The following AWAT2 variants were observed in gnomAD, a reference collection of about 807,000 sequenced individuals.
The protein encoded by AWAT2 is acyl-CoA wax alcohol acyltransferase 2, also known as 11-cis-RE-synthase.
AWAT2 carries 9 observed loss-of-function variants against 22.3 expected under a neutral mutation model. The ratio of observed to expected loss-of-function variants is 0.40; its 90% CI spans 0.24 to 0.70. The LOEUF (loss-of-function observed/expected upper bound fraction) is 0.70. Ranked by LOEUF, AWAT2 falls within the 30% of genes least tolerant of loss-of-function variation. The pLI, the probability that AWAT2 is intolerant of heterozygous loss-of-function variation, is 0.36. For missense variants in AWAT2, 217 were observed against 265.9 expected (o/e 0.82, Z 1.28); for synonymous variants, 100 against 93.4 (o/e 1.07, Z -0.40).
chrX:70,044,493 T>C (rs754120703), intron 1 of AWAT2, 31 bp from the exon 2 acceptor site: 3 of 1,199,392 alleles, frequency 2.5e-6, no homozygotes, highest in Non-Finnish European at 3.4e-6. Context: ...AGTTAATGAA[T>C]TTCAAGCAGT....
chrX:70,043,691 G>A lies in AWAT2; in HGVS notation c.268-9C>T, dbSNP rs377676561. ...TCATGAGTCTTCAGAAGCTGCGGAA[G>A]AAAGTAGAATCAGGAGGGCTATTCC... On this transcript the variant is annotated splice_polypyrimidine_tract_variant and intron_variant, in intron 3 of 7. Transcript: ENST00000276101. The A allele has an allele frequency of 2.3e-5, 27 of 1,193,054 alleles. 2 individuals carry two copies. In the African/African-American group the frequency reaches 3.7e-4, roughly 16 times the overall value.
Position 70,042,350 on chromosome X carries a change from C to A in AWAT2, c.684G>T (p.Thr228=), listed in dbSNP as rs766163803. ...TGAAAATGTGCTGATCATAGAGGTC[C>A]GTCTCCCCAAAGGCATAGGCAGGTA... ...PLIPAYAFGE[T]DLYDQHIFTP... is the part of the protein sequence containing the mutation. Residue 228 remains threonine (T), a synonymous_variant, in exon 6 of 8, where the codon ACG becomes ACT. Transcript: ENST00000276101. 8.3e-7 allele frequency: 1 copy of A among 1,210,470 alleles called. No individual in the cohort carries two copies. The highest frequency in any genetic ancestry group is 1.8e-5 in the South Asian group (1 of 56,809).
rs189109471 is a variant in AWAT2, at chrX:70,042,765, G to A, written c.647+304C>T. The A allele has an allele frequency of 4.6e-4, 186 of 401,877 alleles. No individual in the cohort carries two copies. The East Asian group carries it at 6.9e-3, about 15-fold the overall frequency. 33.1% of individuals were successfully genotyped at this position (401,877 alleles called of 1,213,427 possible). On this transcript the variant is annotated intron_variant, in intron 5 of 7. Coordinates refer to ENST00000276101, the MANE Select transcript of AWAT2 (RefSeq NM_001002254.1). ...AGGGGCCGGCCCAGATGAGAGGCTG[G>A]TGTGAGGGAGAACAGGCTCAGGGCT...
chrX:70,044,795 G>A (rs1030381751), intron 1 of AWAT2, among the ~76,000 whole-genome samples: 3 of 112,568 alleles, frequency 2.7e-5, no homozygotes, highest in East Asian at 2.8e-4. Context: ...GTGAGCCAGC[G>A]GTGGGCCACC....
At position 70,043,998 on chromosome X, in the gene AWAT2, T is replaced by A. The variant is rs1379142897; in HGVS notation, c.197-2A>T. The A allele has an allele frequency of 8.4e-7, 1 of 1,189,394 alleles. No homozygotes were observed. Among genetic ancestry groups the A allele is most frequent in the South Asian group, 1.9e-5 (1 of 53,902 alleles). On this transcript the variant is annotated splice_acceptor_variant, in intron 2 of 7. Transcript: ENST00000276101. LOFTEE classifies it high-confidence loss of function. Reference sequence around the variant, plus strand: ...TCACACAGGTAAACCGGCGGCCGCCTGAAAACAGAGGCAATGCAGCCAAGC... The same window carrying A: ...TCACACAGGTAAACCGGCGGCCGCCAGAAAACAGAGGCAATGCAGCCAAGC...
chrX:70,041,720 G>T, intron 7 of AWAT2, 53 bp downstream of exon 7: 1 of 994,835 alleles, frequency 1.0e-6, no homozygotes, highest in Non-Finnish European at 1.4e-6. Flanking sequence ...AATCAGGAGC[G>T]GGAGCCTGAT....
chrX:70,043,841 C>T (rs907111459), intron 3 of AWAT2, 85 bp downstream of exon 3: 5 of 1,047,526 alleles, frequency 4.8e-6, no homozygotes, highest in Non-Finnish European at 5.2e-6. Context: ...ATGTGGATGG[C>T]GCCCTCCACC....
chrX:70,043,090 A>C lies in AWAT2; in HGVS notation c.626T>G (p.Val209Gly). ...TLVLKNRSGFVRMALQHGVPL... is the reference protein window; with the variant it reads ...TLVLKNRSGFGRMALQHGVPL... The stretch of plus-strand genomic sequence containing the variant: ...TTACCCATGCTGAAGGGCCATGCGC[A>C]CAAAGCCAGACCGGTTCTTCAACAC... The change falls in exon 5 of 8, where the codon GTG becomes GGG. Residue 209 changes from valine to glycine, a missense_variant. Transcript: ENST00000276101. 1 of 1,193,649 alleles carries C rather than the reference A, an allele frequency of 8.4e-7. No individual in the cohort carries two copies. Among genetic ancestry groups the C allele is most frequent in the Non-Finnish European group, 1.1e-6 (1 of 886,312 alleles).
rs970331344 is a variant in AWAT2, at chrX:70,040,812, T to C, written c.*846A>G. On this transcript the variant is annotated 3_prime_UTR_variant, in exon 8 of 8. Coordinates refer to ENST00000276101, the MANE Select transcript of AWAT2 (RefSeq NM_001002254.1). ...AATGAGAGGGATGTGAGCCAAATTT[T>C]GTAGCCTGTCATTGCAACAGCCATT... is the stretch of plus-strand genomic sequence containing the variant. The C allele has an allele frequency of 1.7e-4, 19 of 112,182 alleles. No individual in the cohort carries two copies. Among genetic ancestry groups the C allele is most frequent in the African/African-American group, 6.2e-4 (19 of 30,831 alleles). 9.2% of individuals were successfully genotyped at this position (112,182 alleles called of 1,213,427 possible).
rs1374485480 is a variant in AWAT2, at chrX:70,041,967, C to CG, written c.848-6_848-5insC. On this transcript the variant is annotated splice_region_variant and splice_polypyrimidine_tract_variant and intron_variant, in intron 6 of 7. Coordinates refer to ENST00000276101, the MANE Select transcript of AWAT2 (RefSeq NM_001002254.1). ...GCATTGGTAGAGGCTCCCCGACTGC[C>CG]AGGGGAGACAGTGAAGGAAAAGGGA... is the stretch of plus-strand genomic sequence containing the variant. 8.3e-7 allele frequency: 1 copy of CG among 1,208,307 alleles called. No individual in the cohort carries two copies. The highest frequency in any genetic ancestry group is 2.2e-5 in the Admixed American group (1 of 45,909).
Position 70,044,406 on chromosome X carries a change from C to T in AWAT2, c.142G>A (p.Val48Ile). Reference sequence around the variant, plus strand: ...AGCCAGGTAAGAATAAGCACAGTGACAGGCCAGTATGGTGTGAACACCACC... The same window carrying T: ...AGCCAGGTAAGAATAAGCACAGTGATAGGCCAGTATGGTGTGAACACCACC... ...YLVVFTPYWPVTVLILTWLAF... is the reference protein window; with the variant it reads ...YLVVFTPYWPITVLILTWLAF... Residue 48 changes from valine (V) to isoleucine (I), a missense_variant, in exon 2 of 8, where the codon GTC becomes ATC. By Grantham distance (29) the Val-to-Ile change is conservative. Transcript: ENST00000276101. 8.3e-7 allele frequency: 1 copy of T among 1,212,050 alleles called. No homozygotes were observed. The highest frequency in any genetic ancestry group is 1.1e-6 in the Non-Finnish European group (1 of 895,558).
intron 7 of AWAT2, 55 bp from the exon 8 acceptor site, chrX:70,041,677 C>A: frequency 3.1e-6 from 2 of 652,554 alleles, no homozygotes; most frequent in Non-Finnish European, 4.5e-6. Context: ...AGCAAATGAA[C>A]AAACAGCCCC....
At chrX:70,043,830 A>C in intron 3 of AWAT2, 96 bp downstream of exon 3, 8 of 1,024,294 alleles carry the variant, frequency 7.8e-6, no homozygotes, top group Non-Finnish European at 1.1e-5. Context: ...CAAGAGGCTC[A>C]ATGTGGATGG....
At position 70,043,989 on chromosome X, in the gene AWAT2, G is replaced by T; in HGVS notation, c.204C>A (p.Arg68=). The T allele has an allele frequency of 8.4e-7, 1 of 1,192,811 alleles. No homozygotes were observed. Among genetic ancestry groups the T allele is most frequent in the East Asian group, 3.1e-5 (1 of 32,575 alleles). The change falls in exon 3 of 8, where the codon CGC becomes CGA. Residue 68 remains arginine, a synonymous_variant. Transcript: ENST00000276101. ...FDWKTPQRGG[R]RFTCVRHWRL... ...GCCAGTGCCTCACACAGGTAAACCGGCGGCCGCCTGAAAACAGAGGCAATG... is the reference window on the plus strand; with the variant it reads ...GCCAGTGCCTCACACAGGTAAACCGTCGGCCGCCTGAAAACAGAGGCAATG...
intron 1 of AWAT2, among the ~76,000 whole-genome samples, chrX:70,045,745 C>T (rs2020357538): frequency 9.0e-6 from 1 of 111,698 alleles, no homozygotes; most frequent in Admixed American, 9.6e-5. Flanking sequence ...ATTGGTCTCC[C>T]ATGCTCCTGT....
intron 3 of AWAT2, 96 bp downstream of exon 3, chrX:70,043,830 A>G: frequency 9.8e-7 from 1 of 1,024,293 alleles, no homozygotes; most frequent in Non-Finnish European, 1.3e-6. Flanking sequence ...CAAGAGGCTC[A>G]ATGTGGATGG....
Position 70,041,892 on chromosome X carries a change from G to C in AWAT2, c.918C>G (p.Leu306=). The C allele has an allele frequency of 8.3e-7, 1 of 1,210,558 alleles. No individual in the cohort carries two copies. Among genetic ancestry groups the C allele is most frequent in the South Asian group, 1.8e-5 (1 of 56,953 alleles). ...ACAGTTTACGTAGGGCATCAATATA[G>C]AGTGTGTGATATTTAGCCACGATCT... ...SQEIVAKYHT[L]YIDALRKLFD... is the part of the protein sequence containing the mutation. Residue 306 remains leucine (L), a synonymous_variant, in exon 7 of 8, where the codon CTC becomes CTG. Transcript: ENST00000276101.
At chrX:70,042,519 C>A in intron 5 of AWAT2, 133 bp from the exon 6 acceptor site, 1 of 642,599 alleles carries the variant, frequency 1.6e-6, no homozygotes, top group Non-Finnish European at 2.5e-6. Flanking sequence ...TGCCTAGGTC[C>A]AAGTTGAGTG....
chrX:70,043,620 C>T lies in AWAT2; in HGVS notation c.330G>A (p.Gly110=). Residue 110 remains glycine, a synonymous_variant, in exon 4 of 8, where the codon GGG becomes GGA. Coordinates refer to ENST00000276101, the MANE Select transcript of AWAT2 (RefSeq NM_001002254.1). ...GGCCAAACCATCCATGGGCAAAGAGCCCATGAGGGTGGCAGACGAGGATGT... is the reference window on the plus strand; with the variant it reads ...GGCCAAACCATCCATGGGCAAAGAGTCCATGAGGGTGGCAGACGAGGATGT... The part of the protein sequence containing the change: ...RNYILVCHPH[G]LFAHGWFGHF... The T allele has an allele frequency of 8.3e-7, 1 of 1,210,576 alleles. No individual in the cohort carries two copies. The highest frequency in any genetic ancestry group is 1.1e-6 in the Non-Finnish European group (1 of 894,868).
Sources: gnomAD v4.1 joint callset for allele counts (sites outside exome capture counted in the v4.1 genomes callset) on GRCh38, gnomAD v4.1.1 for gene constraint, MANE v1.5 for transcripts, NCBI Gene and HGNC (gene_info 2026-07-23, HGNC 2026-07-21) for gene names.